The following PCM1 variants were observed in gnomAD, a reference collection of about 807,000 sequenced individuals.
PCM1 encodes pericentriolar material 1, also known as pericentriolar material 1 protein.
PCM1 carries 157 observed loss-of-function variants against 241.9 expected under a neutral mutation model. The ratio of observed to expected loss-of-function variants is 0.65; its 90% confidence interval spans 0.57 to 0.74. The LOEUF (loss-of-function observed/expected upper bound fraction) is 0.74. PCM1 is among the 30% of genes least tolerant of loss of function. The pLI, the probability that PCM1 is intolerant of heterozygous loss-of-function variation, is 0.00. For synonymous variants in PCM1, 1,085 were observed against 784.9 expected (o/e 1.38, Z -6.39); for missense variants, 3,478 against 2,360.1 (o/e 1.47, Z -9.81).
At chr8:18,004,619 C>T in intron 29 of PCM1, among the ~76,000 whole-genome samples, 1 of 152,166 alleles carries the variant, frequency 6.6e-6, no homozygotes, top group East Asian at 1.9e-4. Context: ...TCTCATTTCA[C>T]TTCAGATCTT....
chr8:17,976,953 A>G (rs1170124034), intron 23 of PCM1, among the ~76,000 whole-genome samples: 1 of 151,526 alleles, frequency 6.6e-6, no homozygotes, highest in East Asian at 1.9e-4. Flanking sequence ...GGATGACTGT[A>G]TGTATTCCTT....
At chr8:17,981,929 T>G (rs1327088804) in intron 24 of PCM1, among the ~76,000 whole-genome samples, 1 of 151,972 alleles carries the variant, frequency 6.6e-6, no homozygotes, top group Non-Finnish European at 1.5e-5. Flanking sequence ...ACATTAAGAT[T>G]TAGTGTTGTC....
chr8:17,939,816 TA>T lies in PCM1; in HGVS notation c.741del (p.Glu248AsnfsTer7). The part of the protein sequence containing the change: ...ERLTHLIDHL[K>X]EQEKSYMKFL... ...GCCTTACTCATCTAATAGATCACCT[TA>T]AAGAACAAGAGAAGTCATATATGAA... On this transcript the variant is annotated frameshift_variant, in exon 6 of 39. Transcript: ENST00000325083. LOFTEE classifies it high-confidence loss of function. 6.5e-7 allele frequency: 1 copy of T among 1,531,634 alleles called. No homozygotes were observed. The allele number at this position is 1,531,634 out of a possible 1,614,324, so 94.9% of individuals were successfully genotyped here. A position where few individuals can be genotyped will look rare whatever the true frequency, so the allele number is the denominator to read the frequency against.
intron 26 of PCM1, among the ~76,000 whole-genome samples, chr8:17,987,521 T>TC (rs1310258844): frequency 6.6e-6 from 1 of 151,870 alleles, no homozygotes; most frequent in Non-Finnish European, 1.5e-5. Flanking sequence ...CCTAAGAAGG[T>TC]TTTAAAGTTA....
At chr8:17,949,698 TG>T (rs2065271839) in intron 7 of PCM1, among the ~76,000 whole-genome samples, 2 of 152,154 alleles carry the variant, frequency 1.3e-5, no homozygotes, top group Admixed American at 1.3e-4. Flanking sequence ...GGTCTCACTG[TG>T]GTGCCCAGGC....
At position 17,947,261 on chromosome 8, in the gene PCM1, T is replaced by C; in HGVS notation, c.859T>C (p.Leu287=). ...ACAACATGATTTATTAAAAAGAATG[T>C]TACAACAGCAGGAGCAACTAAGAGC... ...KKQHDLLKRM[L]QQQEQLRALQ... The change falls in exon 7 of 39, where the codon TTA becomes CTA. Residue 287 remains leucine (L), a synonymous_variant. Coordinates refer to ENST00000325083, the MANE Select transcript of PCM1 (RefSeq NM_006197.4). 6.2e-7 allele frequency: 1 copy of C among 1,611,100 alleles called. No homozygotes were observed. The highest frequency in any genetic ancestry group is 8.5e-7 in the Non-Finnish European group (1 of 1,177,558).
chr8:17,938,434 C>T (rs969112923), intron 4 of PCM1, among the ~76,000 whole-genome samples: 1 of 152,108 alleles, frequency 6.6e-6, no homozygotes, highest in Non-Finnish European at 1.5e-5. Flanking sequence ...AATGAAACTC[C>T]TAACACTTCT....
At chr8:17,983,281 A>AAG (rs1243945414) in intron 24 of PCM1, 1 of 1,324,106 alleles carries the variant, frequency 7.6e-7, no homozygotes, top group Non-Finnish European at 9.9e-7. Flanking sequence ...GCATGCAATG[A>AAG]AGCGCCAGGT....
intron 2 of PCM1, among the ~76,000 whole-genome samples, chr8:17,934,033 C>T (rs111230026): frequency 0.037 from 5,577 of 151,496 alleles, 159 homozygotes; most frequent in African/African-American, 0.073. Context: ...ATTAATACTT[C>T]GTTGAATTTT....
chr8:17,965,908 G>A, intron 18 of PCM1, 91 bp from the exon 19 acceptor site: 2 of 758,812 alleles, frequency 2.6e-6, no homozygotes, highest in Non-Finnish European at 4.2e-6. Flanking sequence ...ACAGAATATT[G>A]GCCCATAGGC....
intron 7 of PCM1, among the ~76,000 whole-genome samples, chr8:17,949,404 C>G (rs539066534): frequency 7.3e-5 from 11 of 151,628 alleles, no homozygotes; most frequent in Non-Finnish European, 1.2e-4. Flanking sequence ...ATATAGGATT[C>G]TATATAGCCT....
At chr8:17,937,486 A>T (rs1304500215) in intron 4 of PCM1, 107 bp downstream of exon 4, 8 of 1,054,088 alleles carry the variant, frequency 7.6e-6, no homozygotes, top group South Asian at 1.7e-5. Flanking sequence ...TGTAATTTTT[A>T]AAAAAAGTTT....
intron 23 of PCM1, among the ~76,000 whole-genome samples, chr8:17,973,694 C>T (rs934365723): frequency 3.4e-5 from 5 of 148,770 alleles, no homozygotes; most frequent in African/African-American, 1.0e-4. Flanking sequence ...TCCCAGCCTG[C>T]GTGACAGAGC....
rs530298682 is a variant in PCM1, at chr8:17,936,282, G to A, written c.96+576G>A. ...GGGGTGAGGTGTAAGTAGTGTAACA[G>A]GTTGGCAGGAATATTCACTCATAGA... On this transcript the variant is annotated intron_variant, in intron 3 of 38. Coordinates refer to ENST00000325083, the MANE Select transcript of PCM1 (RefSeq NM_006197.4). 5.3e-5 allele frequency among the ~76,000 whole-genome samples: 8 copies of A among 152,224 alleles called. No homozygotes were observed. The South Asian group carries it at 1.7e-3, about 32-fold the overall frequency.
intron 2 of PCM1, among the ~76,000 whole-genome samples, chr8:17,934,371 C>G (rs1026189106): frequency 6.6e-6 from 1 of 151,776 alleles, no homozygotes; most frequent in Non-Finnish European, 1.5e-5. Context: ...AAGCCATACT[C>G]CTGCCTCAGC....
chr8:17,946,210 A>G (rs557883664), intron 6 of PCM1, among the ~76,000 whole-genome samples: 92 of 152,188 alleles, frequency 6.0e-4, no homozygotes, highest in African/African-American at 1.9e-3. Context: ...ACCTCCTAGC[A>G]TTTTCGGGGA....
chr8:17,999,047 G>T (rs558648534), intron 29 of PCM1, among the ~76,000 whole-genome samples: 122 of 152,252 alleles, frequency 8.0e-4, no homozygotes, highest in Middle Eastern at 3.4e-3. Context: ...CTTCAGGGCA[G>T]TGGGCTCTCC....
intron 34 of PCM1, 134 bp downstream of exon 34, chr8:18,011,961 G>A (rs761920768): frequency 3.9e-6 from 3 of 770,056 alleles, no homozygotes; most frequent in South Asian, 2.0e-5. Flanking sequence ...TCATTAATAT[G>A]CTTATTAAAA....
At chr8:18,018,826 G>GTA (rs201376546) in intron 36 of PCM1, among the ~76,000 whole-genome samples, 2,958 of 89,778 alleles carry the variant, frequency 0.033, 72 homozygotes, top group African/African-American at 0.08. Flanking sequence ...AAAAAAATAT[G>GTA]TATATATATA....
Sources: allele counts gnomAD v4.1 joint callset (sites outside exome capture counted in the v4.1 genomes callset), GRCh38; gene constraint gnomAD v4.1.1; transcripts MANE v1.5; gene names NCBI Gene and HGNC (gene_info 2026-07-23, HGNC 2026-07-21).